TBC1D5: variants seen among roughly 807,000 people sequenced by gnomAD.
The protein encoded by TBC1D5 is TBC1 domain family member 5.
Under a neutral mutation model 100.3 loss-of-function variants are expected in TBC1D5, and 75 were observed. The observed-to-expected ratio is 0.75, with a 90% confidence interval of 0.62 to 0.91. TBC1D5 has a LOEUF of 0.91. Ranked by LOEUF, TBC1D5 falls within the 40% of genes least tolerant of loss-of-function variation. The pLI, the probability that TBC1D5 is intolerant of heterozygous loss-of-function variation, is 0.00. For missense variants in TBC1D5, 910 were observed against 942.4 expected, an observed-to-expected ratio of 0.97 and a Z score of 0.45; for synonymous variants, 323 against 325.6, an observed-to-expected ratio of 0.99 and a Z score of 0.09.
intron 1 of TBC1D5, among the ~76,000 whole-genome samples, chr3:17,657,530 T>C (rs1560393527): frequency 6.6e-6 from 1 of 151,946 alleles, no homozygotes; most frequent in East Asian, 1.9e-4. Context: ...AAAGACAGGG[T>C]TTCACCATGT....
At position 17,229,189 on chromosome 3, in the gene TBC1D5, C is replaced by T. The variant is rs543094538; in HGVS notation, c.1588+8974G>A. 1.2e-3 allele frequency among the ~76,000 whole-genome samples: 183 copies of T among 152,092 alleles called. 1 individual carries two copies. Among genetic ancestry groups the T allele is most frequent in the African/African-American group, 4.0e-3 (168 of 41,490 alleles). On this transcript the variant is annotated intron_variant, in intron 17 of 21. Transcript: ENST00000253692. ...GCAGAAAGGGAAAAACCTGGGAACC[C>T]CTGTTCTGTGGCCACAGAAAGGGGA...
At chr3:17,254,439 G>A (rs2077449396) in intron 16 of TBC1D5, among the ~76,000 whole-genome samples, 1 of 151,974 alleles carries the variant, frequency 6.6e-6, no homozygotes, top group South Asian at 2.1e-4. Flanking sequence ...TCTCATTGTG[G>A]TTTAATTTGC....
chr3:17,397,794 A>G (rs2093548242), intron 8 of TBC1D5, among the ~76,000 whole-genome samples: 1 of 152,216 alleles, frequency 6.6e-6, no homozygotes, highest in African/African-American at 2.4e-5. Flanking sequence ...CAAAAGATCA[A>G]ATATTGAAGA....
In TBC1D5 at chr3:17,179,149, A is replaced by G. The variant is rs577514394; in HGVS notation, c.1852+5960T>C. Among the ~76,000 whole-genome samples the G allele has an allele frequency of 3.9e-5, 6 of 152,318 alleles. No homozygotes were observed. The South Asian group carries it at 1.2e-3, about 32-fold the overall frequency. On this transcript the variant is annotated intron_variant, in intron 19 of 21. Coordinates refer to ENST00000253692, the Ensembl canonical transcript of TBC1D5. ...CATTTTTAACAAGATCTTCAGGTGA[A>G]TTGTATCTTTTCCTCCTATAGAGGA...
intron 2 of TBC1D5, among the ~76,000 whole-genome samples, chr3:17,612,904 T>A (rs1436077001): frequency 1.4e-4 from 21 of 150,772 alleles, no homozygotes; most frequent in South Asian, 4.2e-4. Context: ...TTTTTTTTTT[T>A]ATTAAAGTTC....
intron 3 of TBC1D5, among the ~76,000 whole-genome samples, chr3:17,461,300 T>C (rs1468525573): frequency 6.6e-6 from 1 of 152,216 alleles, no homozygotes; most frequent in Non-Finnish European, 1.5e-5. Context: ...GTTGGAAGTC[T>C]CCTTTCTGTA....
At chr3:17,163,193 A>G (rs1219407005) in intron 21 of TBC1D5, among the ~76,000 whole-genome samples, 3 of 152,176 alleles carry the variant, frequency 2.0e-5, no homozygotes, top group African/African-American at 7.2e-5. Flanking sequence ...TGAAGGTCAC[A>G]GACTGCCGTA....
intron 1 of TBC1D5, among the ~76,000 whole-genome samples, chr3:17,628,483 G>A (rs367741030): frequency 6.6e-6 from 1 of 151,586 alleles, no homozygotes; most frequent in African/African-American, 2.4e-5. Flanking sequence ...CTTCACCATG[G>A]GCCTAAAACA....
At chr3:17,165,187 G>T (rs555499031) in intron 21 of TBC1D5, among the ~76,000 whole-genome samples, 1 of 152,186 alleles carries the variant, frequency 6.6e-6, no homozygotes, top group Admixed American at 6.5e-5. Flanking sequence ...GGGGTCCACC[G>T]GGGCAGCAGT....
At chr3:17,706,002 G>C in intron 1 of TBC1D5, 1 of 1,471,322 alleles carries the variant, frequency 6.8e-7, no homozygotes, top group Non-Finnish European at 9.1e-7. Flanking sequence ...TTTTGAGACG[G>C]AGTCTTGCTG....
intron 10 of TBC1D5, 118 bp downstream of exon 10, chr3:17,376,407 G>A (rs747667180): frequency 6.3e-5 from 55 of 872,892 alleles, no homozygotes; most frequent in Admixed American, 8.2e-5. Flanking sequence ...ACAATCAAAT[G>A]TTTACAACTT....
chr3:17,710,816 G>C (rs1486681078), intron 1 of TBC1D5, among the ~76,000 whole-genome samples: 1 of 152,028 alleles, frequency 6.6e-6, no homozygotes, highest in East Asian at 1.9e-4. Context: ...TCCTGCCTCG[G>C]CCTCCTGAGT....
chr3:17,577,616 G>A (rs982823979), intron 2 of TBC1D5, among the ~76,000 whole-genome samples: 1 of 151,812 alleles, frequency 6.6e-6, no homozygotes, highest in African/African-American at 2.4e-5. Flanking sequence ...GGGAGGAATA[G>A]GTAGGTAAGT....
At chr3:17,565,252 T>C (rs1416536147) in intron 2 of TBC1D5, among the ~76,000 whole-genome samples, 1 of 152,178 alleles carries the variant, frequency 6.6e-6, no homozygotes, top group Non-Finnish European at 1.5e-5. Flanking sequence ...TAGCTGTTCA[T>C]TCAGTAACAG....
At chr3:17,263,909 G>T (rs2078597698) in intron 15 of TBC1D5, among the ~76,000 whole-genome samples, 1 of 152,128 alleles carries the variant, frequency 6.6e-6, no homozygotes, top group Non-Finnish European at 1.5e-5. Context: ...ATCGATCTAA[G>T]TTATAGTTAA....
chr3:17,548,883 C>T (rs73160943), intron 2 of TBC1D5, among the ~76,000 whole-genome samples: 10,439 of 152,076 alleles, frequency 0.069, 721 homozygotes, highest in African/African-American at 0.18. Context: ...GTAAGGTACC[C>T]CTAAGGAGGT....
intron 14 of TBC1D5, among the ~76,000 whole-genome samples, chr3:17,293,409 T>C (rs1424889279): frequency 6.6e-6 from 1 of 152,192 alleles, no homozygotes; most frequent in Non-Finnish European, 1.5e-5. Flanking sequence ...TCTTATATAT[T>C]TTGTAAAGAG....
rs965088142 is a variant in TBC1D5, at chr3:17,614,018, G to A, written c.-36+9831C>T. On this transcript the variant is annotated intron_variant, in intron 2 of 21. Transcript: ENST00000253692. Reference sequence around the variant, plus strand: ...TTTTTCTAGAGTTTTTATGGTTTTCGGTCTAACATTCAACTGCTTAATCAA... The same window carrying A: ...TTTTTCTAGAGTTTTTATGGTTTTCAGTCTAACATTCAACTGCTTAATCAA... Among the ~76,000 whole-genome samples the A allele has an allele frequency of 3.9e-5, 6 of 152,120 alleles. No individual in the cohort carries two copies. The South Asian group carries it at 6.2e-4, about 16-fold the overall frequency.
intron 1 of TBC1D5, among the ~76,000 whole-genome samples, chr3:17,731,068 C>G (rs1362445052): frequency 3.9e-5 from 6 of 152,028 alleles, no homozygotes; most frequent in Non-Finnish European, 2.9e-5. Flanking sequence ...TAAGCTAAGA[C>G]CTTACAAAAG....
Sources: allele counts gnomAD v4.1 joint callset (sites outside exome capture counted in the v4.1 genomes callset), GRCh38; gene constraint gnomAD v4.1.1; transcripts MANE v1.5; gene names NCBI Gene and HGNC (gene_info 2026-07-23, HGNC 2026-07-21).